Variants in NAA11 observed in about 807,000 individuals in gnomAD.
NAA11 encodes N-alpha-acetyltransferase 11, NatA catalytic subunit, also known as N-alpha-acetyltransferase 11.
In NAA11, 15 loss-of-function variants were observed where a neutral mutation model predicts 16.1. That is an observed-to-expected ratio of 0.93 (90% CI 0.62 to 1.44). The LOEUF is 1.44. Ranked by LOEUF, NAA11 falls within the 40% of genes most tolerant of loss-of-function variation. NAA11 has a pLI of 0.00. For missense variants in NAA11, 298 were observed against 291.3 expected (o/e 1.02, Z -0.17); for synonymous variants, 122 against 112.4 (o/e 1.09, Z -0.54).
At chr4:79,191,869 G>C in the NAA11 span, among the ~76,000 whole-genome samples, 2 of 152,290 alleles carry the variant, frequency 1.3e-5, no homozygotes, top group African/African-American at 4.8e-5. Flanking sequence ...TACGGTGTAA[G>C]AGGGGGGTCC....
At chr4:79,250,079 T>A (rs1412987366) in intron 2 of NAA11, among the ~76,000 whole-genome samples, 1 of 152,242 alleles carries the variant, frequency 6.6e-6, no homozygotes, top group East Asian at 1.9e-4. Flanking sequence ...AGTGATTGTG[T>A]GACCCCGCAC....
intron 2 of NAA11, among the ~76,000 whole-genome samples, chr4:79,290,464 C>G (rs558287401): frequency 3.3e-5 from 5 of 152,182 alleles, no homozygotes; most frequent in African/African-American, 1.2e-4. Context: ...TCTGCTCTCT[C>G]TCTCATCAGC....
At chr4:79,221,250 C>T (rs1207700553), downstream of NAA11, among the ~76,000 whole-genome samples, 1 of 151,900 alleles carries the variant, frequency 6.6e-6, no homozygotes, top group Non-Finnish European at 1.5e-5. Flanking sequence ...GCTGAAGTTG[C>T]TTATCAGCTT....
chr4:79,192,249 T>C, the NAA11 span, among the ~76,000 whole-genome samples: 6 of 152,148 alleles, frequency 3.9e-5, no homozygotes, highest in East Asian at 3.9e-4. Context: ...TTTTTGTACT[T>C]TAGGTTTTAG....
chr4:79,301,535 G>A (rs950656609), intron 1 of NAA11, among the ~76,000 whole-genome samples: 3 of 152,282 alleles, frequency 2.0e-5, no homozygotes, highest in East Asian at 1.9e-4. Flanking sequence ...ATTAACCAGA[G>A]GAAGTGATTT....
chr4:79,195,823 C>T, the NAA11 span: 1 of 152,216 alleles, frequency 6.6e-6, no homozygotes, highest in Admixed American at 6.6e-5. Flanking sequence ...GGGCTTTTCA[C>T]CCTTTTACTC....
At chr4:79,292,852 A>C (rs1402064849) in intron 2 of NAA11, among the ~76,000 whole-genome samples, 1 of 152,214 alleles carries the variant, frequency 6.6e-6, no homozygotes, top group Non-Finnish European at 1.5e-5. Context: ...GTTTTGAATG[A>C]ATCACACTGT....
intron 2 of NAA11, among the ~76,000 whole-genome samples, chr4:79,268,239 T>C (rs1188069857): frequency 6.6e-6 from 1 of 152,160 alleles, no homozygotes; most frequent in Admixed American, 6.5e-5. Flanking sequence ...TGGCCTTACA[T>C]ATCAATAGAA....
the NAA11 span, among the ~76,000 whole-genome samples, chr4:79,184,314 T>TGCC: frequency 6.6e-6 from 1 of 152,192 alleles, no homozygotes; most frequent in African/African-American, 2.4e-5. Context: ...TATGCTGAAC[T>TGCC]GCCGCAAGGA....
At chr4:79,189,090 G>A in the NAA11 span, among the ~76,000 whole-genome samples, 2 of 130,248 alleles carry the variant, frequency 1.5e-5, no homozygotes, top group African/African-American at 5.5e-5. Flanking sequence ...AGCTTGCAGT[G>A]AGCTGAGATC....
rs1258614419 is a variant in NAA11 at position 79,325,943 on chromosome 4, G to C, written c.-66C>G. 1 of 1,435,744 alleles carries C rather than the reference G, an allele frequency of 7.0e-7. No individual in the cohort carries two copies. The highest frequency in any genetic ancestry group is 1.4e-5 in the African/African-American group (1 of 70,726). The allele number at this position is 1,435,744 out of a possible 1,614,324, so 88.9% of individuals were successfully genotyped here. Reference sequence around the variant, plus strand: ...CAGAAGAGGCTGTCGCCGACCTTAAGGGGCACTGTTTGCCTCAGGAATCGA... The same window carrying C: ...CAGAAGAGGCTGTCGCCGACCTTAACGGGCACTGTTTGCCTCAGGAATCGA... On this transcript the variant is annotated 5_prime_UTR_variant, in exon 1 of 2. Coordinates refer to ENST00000286794, the MANE Select transcript of NAA11 (RefSeq NM_032693.3).
In NAA11 at chr4:79,250,365, C is replaced by G. The variant is rs74859819; in HGVS notation, c.*123-24095G>C. ...CACCTCATAAGTTAAGACCCATTGG[C>G]TGGAATTCCAGCTGGCCAGCGGCAG... On this transcript the variant is annotated intron_variant and NMD_transcript_variant, in intron 2 of 2. Coordinates refer to the NAA11 transcript ENST00000511542. Among the ~76,000 whole-genome samples the G allele has an allele frequency of 3.4e-3, 519 of 152,344 alleles. 3 individuals carry two copies. Among genetic ancestry groups the G allele is most frequent in the African/African-American group, 0.012 (483 of 41,580 alleles).
At chr4:79,268,842 C>T in intron 2 of NAA11, among the ~76,000 whole-genome samples, 1 of 103,890 alleles carries the variant, frequency 9.6e-6, no homozygotes, top group African/African-American at 3.7e-5. Context: ...CCAATGCTAT[C>T]CCTCCCCCCT....
intron 2 of NAA11, among the ~76,000 whole-genome samples, chr4:79,258,384 C>T (rs553090550): frequency 1.3e-5 from 2 of 152,258 alleles, no homozygotes; most frequent in Non-Finnish European, 2.9e-5. Context: ...TCAGAAATGC[C>T]TGCTCCCGCT....
intron 1 of NAA11, chr4:79,306,790 G>A (rs923796294): frequency 6.6e-6 from 1 of 152,188 alleles, no homozygotes; most frequent in African/African-American, 2.4e-5. Context: ...TCATGTGCAA[G>A]TGCTGAAGGT....
intron 2 of NAA11, among the ~76,000 whole-genome samples, chr4:79,252,098 T>C (rs1365150679): frequency 6.6e-6 from 1 of 152,200 alleles, no homozygotes; most frequent in Non-Finnish European, 1.5e-5. Context: ...AAGTCAAATA[T>C]TGCATGTTCT....
intron 2 of NAA11, among the ~76,000 whole-genome samples, chr4:79,293,132 T>C (rs1306937297): frequency 6.6e-6 from 1 of 152,178 alleles, no homozygotes; most frequent in Non-Finnish European, 1.5e-5. Flanking sequence ...TAACACTGTG[T>C]TTTGCATGCC....
At chr4:79,244,776 C>T (rs1033973281) in intron 2 of NAA11, 4 of 153,054 alleles carry the variant, frequency 2.6e-5, no homozygotes, top group East Asian at 1.9e-4. Context: ...TGCAGGCGCC[C>T]ACCGCCACGC....
At chr4:79,190,284 G>A in the NAA11 span, among the ~76,000 whole-genome samples, 1 of 152,160 alleles carries the variant, frequency 6.6e-6, no homozygotes. Context: ...ACAGAGATGA[G>A]ATTTTGAAAA....
Sources: gnomAD v4.1 joint callset for allele counts (sites outside exome capture counted in the v4.1 genomes callset) on GRCh38, gnomAD v4.1.1 for gene constraint, MANE v1.5 for transcripts, NCBI Gene and HGNC (gene_info 2026-07-23, HGNC 2026-07-21) for gene names.